Variants in ABL1 observed in about 807,000 individuals in gnomAD.
ABL1 encodes tyrosine-protein kinase ABL1.
Under a neutral mutation model 94.7 loss-of-function variants are expected in ABL1, and 11 were observed. That is an observed-to-expected ratio of 0.12 (90% CI 0.07 to 0.19). The LOEUF (loss-of-function observed/expected upper bound fraction) is 0.19. ABL1 is among the 10% of genes least tolerant of loss of function. The pLI, the probability that ABL1 is intolerant of heterozygous loss-of-function variation, is 1.00. For missense variants in ABL1, 1,082 were observed against 1,489.4 expected (o/e 0.73, Z 4.50); for synonymous variants, 656 against 622.4 (o/e 1.05, Z -0.80).
chr9:130,839,860 G>A (rs1001245453), intron 1 of ABL1, among the ~76,000 whole-genome samples: 2 of 152,132 alleles, frequency 1.3e-5, no homozygotes, highest in East Asian at 3.8e-4. Context: ...GCGTTCCTAG[G>A]GTCTCATTCT....
At chr9:130,729,242 A>C (rs1831631119) in intron 1 of ABL1, among the ~76,000 whole-genome samples, 2 of 152,184 alleles carry the variant, frequency 1.3e-5, no homozygotes, top group African/African-American at 4.8e-5. Context: ...GTCTTCCAGC[A>C]CTGTGAAACC....
At chr9:130,858,574 A>G (rs3780284) in intron 3 of ABL1, among the ~76,000 whole-genome samples, 37,067 of 151,892 alleles carry the variant, frequency 0.24, 6,823 homozygotes, top group African/African-American at 0.52. Context: ...GAGGGGGTGT[A>G]TTGGGTGGGA....
At chr9:130,821,506 C>T (rs1830362728) in intron 1 of ABL1, among the ~76,000 whole-genome samples, 2 of 152,068 alleles carry the variant, frequency 1.3e-5, no homozygotes, top group South Asian at 4.1e-4. Flanking sequence ...ATTGTACGGA[C>T]ATACATTTTT....
intron 1 of ABL1, among the ~76,000 whole-genome samples, chr9:130,850,817 A>G (rs768578608): frequency 6.6e-6 from 1 of 152,174 alleles, no homozygotes; most frequent in Non-Finnish European, 1.5e-5. Flanking sequence ...CCACATACCT[A>G]CATTTCAAAG....
intron 1 of ABL1, among the ~76,000 whole-genome samples, chr9:130,773,052 G>A (rs1435859010): frequency 6.6e-6 from 1 of 152,194 alleles, no homozygotes; most frequent in Non-Finnish European, 1.5e-5. Context: ...CGGGTGCAGC[G>A]GCTCACACCT....
rs150053661 is a variant in ABL1 at position 130,738,523 on chromosome 9, G to A, written c.136+24068G>A. On this transcript the variant is annotated intron_variant, in intron 1 of 10. Transcript: ENST00000372348. The stretch of plus-strand genomic sequence containing the variant: ...ATATTAAAACATGACATGAGTGATG[G>A]TAATACAGCAGGTCCCCAGATAATG... 4.6e-5 allele frequency among the ~76,000 whole-genome samples: 7 copies of A among 152,234 alleles called. No homozygotes were observed. The East Asian group carries it at 1.2e-3, about 25-fold the overall frequency.
intron 1 of ABL1, among the ~76,000 whole-genome samples, chr9:130,752,025 T>C: frequency 6.6e-6 from 1 of 152,190 alleles, no homozygotes. Context: ...CGCTCCAAAT[T>C]CTTAACCTGA....
intron 1 of ABL1, among the ~76,000 whole-genome samples, chr9:130,797,523 T>G (rs1294198840): frequency 6.6e-6 from 1 of 152,078 alleles, no homozygotes; most frequent in African/African-American, 2.4e-5. Flanking sequence ...TACAGGCGTG[T>G]GCCGCCATGC....
Position 130,883,978 on chromosome 9 carries a change from A to C in ABL1, c.1688A>C (p.Asp563Ala), listed in dbSNP as rs1193627204. The change falls in exon 11 of 11, where the codon GAC (aspartate) becomes GCC (alanine). Residue 563 changes from aspartate to alanine, a missense_variant. Around this residue, in one of 7 missense-constraint regions of ABL1, gnomAD observed 780 missense variants for 835.8 expected, o/e 0.93. Coordinates refer to ENST00000318560, the MANE Select transcript of ABL1 (RefSeq NM_005157.6). ...SKGQGESDPL[D>A]HEPAVSPLLP... ...TCCCCTTGCGTTTCAGATCCTCTGG[A>C]CCATGAGCCTGCCGTGTCTCCATTG... is the stretch of plus-strand genomic sequence containing the variant. 6.2e-7 allele frequency: 1 copy of C among 1,611,620 alleles called. No individual in the cohort carries two copies.
At chr9:130,775,293 CAGTAGAACT>C in intron 1 of ABL1, among the ~76,000 whole-genome samples, 1 of 152,218 alleles carries the variant, frequency 6.6e-6, no homozygotes, top group East Asian at 1.9e-4. Flanking sequence ...GGAAAATGAA[CAGTAGAACT>C]ATAGTACTTT....
At chr9:130,834,844 T>A (rs1160973659), upstream of ABL1, 1 of 453,570 alleles carries the variant, frequency 2.2e-6, no homozygotes, top group Non-Finnish European at 4.4e-6. Flanking sequence ...TTAGTATTGG[T>A]AACTGCAGAG....
At chr9:130,759,878 A>G (rs754153365) in intron 1 of ABL1, among the ~76,000 whole-genome samples, 7 of 152,028 alleles carry the variant, frequency 4.6e-5, no homozygotes, top group Non-Finnish European at 1.0e-4. Context: ...CTGCAGCTCT[A>G]ACCTCTTAGG....
At chr9:130,856,523 A>G (rs936257109) in intron 3 of ABL1, among the ~76,000 whole-genome samples, 2 of 152,216 alleles carry the variant, frequency 1.3e-5, no homozygotes, top group Admixed American at 6.5e-5. Flanking sequence ...TGCCCAGCCT[A>G]TATTTTTTAA....
rs973594384 is a variant in ABL1, at chr9:130,887,556, C to T, written c.*1873C>T. On this transcript the variant is annotated 3_prime_UTR_variant, in exon 11 of 11. Transcript: ENST00000318560. ...GCCCCCTCGGGGGCCTGTGGTGGCT[C>T]CCCCTCTGCTTCTCGGGGTCCAGTG... The T allele has an allele frequency of 6.4e-5, 15 of 233,270 alleles. No homozygotes were observed. The highest frequency in any genetic ancestry group is 6.2e-4 in the Admixed American group (11 of 17,788). 14.5% of individuals were successfully genotyped at this position (233,270 alleles called of 1,614,324 possible). A position where few individuals can be genotyped will look rare whatever the true frequency, so the allele number is the denominator to read the frequency against.
intron 4 of ABL1, among the ~76,000 whole-genome samples, chr9:130,870,025 A>T (rs1189184368): frequency 6.6e-6 from 1 of 152,172 alleles, no homozygotes; most frequent in Non-Finnish European, 1.5e-5. Context: ...GGGTTTCACC[A>T]TGTTGACCAG....
At chr9:130,758,157 A>ATTTTT (rs375183745) in intron 1 of ABL1, among the ~76,000 whole-genome samples, 3 of 145,142 alleles carry the variant, frequency 2.1e-5, no homozygotes, top group Non-Finnish European at 3.0e-5. Context: ...AGTGGCTAAG[A>ATTTTT]TTTTTTTTTT....
rs73557803 is a variant in ABL1, at chr9:130,835,979, C to T, written c.79+454C>T. 9.8e-4 allele frequency among the ~76,000 whole-genome samples: 150 copies of T among 152,370 alleles called. No homozygotes were observed. Among genetic ancestry groups the T allele is most frequent in the African/African-American group, 3.4e-3 (142 of 41,594 alleles). ...GTGGAATTTCCACCGTTAATTGGGA[C>T]TGTGTGTTAAAAAGATCGACCCGTG... On this transcript the variant is annotated intron_variant, in intron 1 of 10. Transcript: ENST00000318560. This position sits in a 1 kb window ranked among gnomAD's most constrained non-coding sequence, Gnocchi z 4.6.
Position 130,814,093 on chromosome 9 carries a change from C to T in ABL1, c.137-39971C>T, listed in dbSNP as rs888638933. ...CAAGGTCAGGAGATTGAGATCATCC[C>T]GGCCAACATGGTGAAACCCCGTCTC... On this transcript the variant is annotated intron_variant, in intron 1 of 10. Transcript: ENST00000372348. This position sits in a 1 kb window ranked among gnomAD's most constrained non-coding sequence, Gnocchi z 4.4. Among the ~76,000 whole-genome samples, 11 of 151,742 alleles carry T rather than the reference C, an allele frequency of 7.2e-5. No individual in the cohort carries two copies. Among genetic ancestry groups the T allele is most frequent in the African/African-American group, 2.4e-4 (10 of 41,280 alleles).
chr9:130,767,413 A>ACC (rs1832197331), intron 1 of ABL1, among the ~76,000 whole-genome samples: 1 of 151,940 alleles, frequency 6.6e-6, no homozygotes, highest in Admixed American at 6.6e-5. Context: ...GCTCACTATA[A>ACC]CCTCCGCCTC....
Sources: allele counts gnomAD v4.1 joint callset (sites outside exome capture counted in the v4.1 genomes callset), GRCh38; gene constraint gnomAD v4.1.1; regional missense constraint gnomAD v4.1.1; non-coding constraint Gnocchi (gnomAD v3.1); transcripts MANE v1.5; gene names NCBI Gene and HGNC (gene_info 2026-07-23, HGNC 2026-07-21).